Variants in CALR observed in about 807,000 individuals in gnomAD.
CALR encodes the protein calreticulin, also known as CRP55.
CALR carries 15 observed loss-of-function variants against 51.1 expected under a neutral mutation model. That is an observed-to-expected ratio of 0.29 (90% confidence interval 0.20 to 0.45). The LOEUF is 0.45. CALR is among the 20% of genes least tolerant of loss of function. The pLI is 1.00. For synonymous variants in CALR, 239 were observed against 205.9 expected (o/e 1.16, Z -1.38); for missense variants, 477 against 530.6 (o/e 0.90, Z 0.99).
At chr19:12,941,384 C>G (rs1357366757) in intron 7 of CALR, among the ~76,000 whole-genome samples, 2 of 151,938 alleles carry the variant, frequency 1.3e-5, no homozygotes, top group South Asian at 2.1e-4. Flanking sequence ...CGCCCTCCGT[C>G]TCCTGGTTTC....
Position 12,942,287 on chromosome 19 carries a change from C to T in CALR, c.961-1250C>T, listed in dbSNP as rs550016890. 1.4e-4 allele frequency among the ~76,000 whole-genome samples: 21 copies of T among 149,956 alleles called. No homozygotes were observed. In the East Asian group the frequency reaches 1.4e-3, roughly 10 times the overall value. ...CTGAGGCAAAAGGATGACGTGAACC[C>T]GGGAGGCGGAGCTTGCAGTGAGCTG... On this transcript the variant is annotated intron_variant, in intron 7 of 8. Coordinates refer to ENST00000316448, the MANE Select transcript of CALR (RefSeq NM_004343.4).
chr19:12,944,079 C>T lies in CALR; in HGVS notation c.*166C>T. 2 of 1,082,564 alleles carry T rather than the reference C, an allele frequency of 1.8e-6. No individual in the cohort carries two copies. The highest frequency in any genetic ancestry group is 1.7e-5 in the South Asian group (1 of 60,234). 67.1% of individuals were successfully genotyped at this position (1,082,564 alleles called of 1,614,324 possible). Reference sequence around the variant, plus strand: ...TCCCCTCCTCCACTCTCCCCCACCCCCTCCCCGCCCTTTTTTTTTTTTTTT... The same window carrying T: ...TCCCCTCCTCCACTCTCCCCCACCCTCTCCCCGCCCTTTTTTTTTTTTTTT... On this transcript the variant is annotated 3_prime_UTR_variant, in exon 9 of 9. Transcript: ENST00000316448.
chr19:12,939,511 G>A lies in CALR; in HGVS notation c.277G>A (p.Val93Met), dbSNP rs370869315. The A allele has an allele frequency of 8.7e-6, 14 of 1,613,418 alleles. No individual in the cohort carries two copies. The Admixed American group carries it at 2.3e-4, about 27-fold the overall frequency. ...CAGCAACAAAGGCCAGACGCTGGTGGTGCAGTTCACGGTGAAACATGAGCA... is the reference window on the plus strand; with the variant it reads ...CAGCAACAAAGGCCAGACGCTGGTGATGCAGTTCACGGTGAAACATGAGCA... Reference protein sequence around the residue: ...PFSNKGQTLVVQFTVKHEQNI... With the variant: ...PFSNKGQTLVMQFTVKHEQNI... Residue 93 changes from valine (V) to methionine (M), a missense_variant, in exon 3 of 9, where the codon GTG becomes ATG. Coordinates refer to ENST00000316448, the MANE Select transcript of CALR (RefSeq NM_004343.4).
intron 7 of CALR, 40 bp downstream of exon 7, chr19:12,940,927 C>A (rs776703195): frequency 3.7e-6 from 6 of 1,606,140 alleles, no homozygotes; most frequent in Middle Eastern, 1.7e-4. Context: ...TGGGGTACCT[C>A]AAGTGCATAA....
chr19:12,944,089 CTTTTTTT>C lies in CALR; in HGVS notation c.*188_*194del. On this transcript the variant is annotated 3_prime_UTR_variant, in exon 9 of 9. Transcript: ENST00000316448. ...CACTCTCCCCCACCCCCTCCCCGCC[CTTTTTTT>C]TTTTTTTTTTTAAACTGGTATTTTA... 3.1e-6 allele frequency: 2 copies of C among 651,932 alleles called. No individual in the cohort carries two copies. Among genetic ancestry groups the C allele is most frequent in the Non-Finnish European group, 4.7e-6 (2 of 422,200 alleles). The allele number at this position is 651,932 out of a possible 1,614,324, so 40.4% of individuals were successfully genotyped here.
At chr19:12,938,971 C>A in intron 1 of CALR, 163 bp from the exon 2 acceptor site, 1 of 715,698 alleles carries the variant, frequency 1.4e-6, no homozygotes, top group Non-Finnish European at 2.5e-6. Context: ...AGGGTTAGCC[C>A]GAGGATCTCT....
Position 12,944,078 on chromosome 19 carries a change from C to A in CALR, c.*165C>A, listed in dbSNP as rs1342232072. 5.5e-6 allele frequency: 6 copies of A among 1,081,408 alleles called. No individual in the cohort carries two copies. Among genetic ancestry groups the A allele is most frequent in the Non-Finnish European group, 7.8e-6 (6 of 772,904 alleles). 67.0% of individuals were successfully genotyped at this position (1,081,408 alleles called of 1,614,324 possible). A position where few individuals can be genotyped will look rare whatever the true frequency, so the allele number is the denominator to read the frequency against. ...TTCCCCTCCTCCACTCTCCCCCACC[C>A]CCTCCCCGCCCTTTTTTTTTTTTTT... On this transcript the variant is annotated 3_prime_UTR_variant, in exon 9 of 9. Coordinates refer to ENST00000316448, the MANE Select transcript of CALR (RefSeq NM_004343.4).
Position 12,938,636 on chromosome 19 carries a change from G to C in CALR, c.-44G>C, listed in dbSNP as rs534687510. ...CCGTACTGCAGAGCCGCTGCCGGAGGGTCGTTTTAAAGGGCCCGCGCGTTG... is the reference window on the plus strand; with the variant it reads ...CCGTACTGCAGAGCCGCTGCCGGAGCGTCGTTTTAAAGGGCCCGCGCGTTG... On this transcript the variant is annotated 5_prime_UTR_variant, in exon 1 of 9. Coordinates refer to ENST00000316448, the MANE Select transcript of CALR (RefSeq NM_004343.4). The C allele has an allele frequency of 9.5e-6, 14 of 1,466,690 alleles. No homozygotes were observed. In the East Asian group the frequency reaches 3.1e-4, roughly 32 times the overall value. The allele number at this position is 1,466,690 out of a possible 1,614,324, so 90.9% of individuals were successfully genotyped here. A position where few individuals can be genotyped will look rare whatever the true frequency, so the allele number is the denominator to read the frequency against.
At chr19:12,940,483 A>G in intron 5 of CALR, 31 bp downstream of exon 5, 4 of 1,613,502 alleles carry the variant, frequency 2.5e-6, no homozygotes, top group Non-Finnish European at 3.4e-6. Flanking sequence ...TCTGCTCTCC[A>G]CATTGGAGGG....
At chr19:12,942,085 C>T (rs1460027656) in intron 7 of CALR, among the ~76,000 whole-genome samples, 1 of 151,798 alleles carries the variant, frequency 6.6e-6, no homozygotes, top group Non-Finnish European at 1.5e-5. Context: ...CTTGGCCGGA[C>T]ACAGTGGCTC....
chr19:12,939,570 G>A lies in CALR; in HGVS notation c.336G>A (p.Leu112=), dbSNP rs202106445. 131 of 1,613,992 alleles carry A rather than the reference G, an allele frequency of 8.1e-5. No homozygotes were observed. Among genetic ancestry groups the A allele is most frequent in the Non-Finnish European group, 1.2e-5 (14 of 1,180,050 alleles). Residue 112 remains leucine, a synonymous_variant, in exon 3 of 9, where the codon CTG becomes CTA. Coordinates refer to ENST00000316448, the MANE Select transcript of CALR (RefSeq NM_004343.4). ...ACTGTGGGGGCGGCTATGTGAAGCT[G>A]TTTCCTAATAGTTTGGACCAGACAG... The part of the protein sequence containing the change: ...NIDCGGGYVK[L]FPNSLDQTDM...
At position 12,938,623 on chromosome 19, in the gene CALR, G is replaced by A. The variant is rs1005382801; in HGVS notation, c.-57G>A. ...CGGCGGCGTCCGTCCGTACTGCAGA[G>A]CCGCTGCCGGAGGGTCGTTTTAAAG... is the stretch of plus-strand genomic sequence containing the variant. On this transcript the variant is annotated 5_prime_UTR_variant, in exon 1 of 9. Coordinates refer to ENST00000316448, the MANE Select transcript of CALR (RefSeq NM_004343.4). 4.2e-5 allele frequency: 58 copies of A among 1,372,512 alleles called. No individual in the cohort carries two copies. The highest frequency in any genetic ancestry group is 3.3e-4 in the South Asian group (27 of 81,524). The allele number at this position is 1,372,512 out of a possible 1,614,324, so 85.0% of individuals were successfully genotyped here.
In CALR at chr19:12,941,439, G is replaced by C. The variant is rs1038905533; in HGVS notation, c.960+552G>C. 6.0e-5 allele frequency among the ~76,000 whole-genome samples: 9 copies of C among 151,148 alleles called. 1 individual carries two copies. In the East Asian group the frequency reaches 1.7e-3, roughly 29 times the overall value. On this transcript the variant is annotated intron_variant, in intron 7 of 8. Transcript: ENST00000316448. Reference sequence around the variant, plus strand: ...GCCTCCGGAGTAGCTGGGATTACAGGCATGTGCTACTATGGATGCCAGGCT... The same window carrying C: ...GCCTCCGGAGTAGCTGGGATTACAGCCATGTGCTACTATGGATGCCAGGCT...
In CALR at chr19:12,944,111, C is replaced by G. The variant is rs1326269692; in HGVS notation, c.*198C>G. 3.2e-6 allele frequency: 2 copies of G among 623,136 alleles called. No individual in the cohort carries two copies. Among genetic ancestry groups the G allele is most frequent in the African/African-American group, 3.5e-5 (1 of 28,912 alleles). The allele number at this position is 623,136 out of a possible 1,614,324, so 38.6% of individuals were successfully genotyped here. A position where few individuals can be genotyped will look rare whatever the true frequency, so the allele number is the denominator to read the frequency against. On this transcript the variant is annotated 3_prime_UTR_variant, in exon 9 of 9. Coordinates refer to ENST00000316448, the MANE Select transcript of CALR (RefSeq NM_004343.4). ...GCCCTTTTTTTTTTTTTTTTTTAAA[C>G]TGGTATTTTATCTTTGATTCTCCTT...
Position 12,940,029 on chromosome 19 carries a change from T to C in CALR, c.398-24T>C, listed in dbSNP as rs754552373. The C allele has an allele frequency of 3.9e-6, 6 of 1,552,472 alleles. No homozygotes were observed. The African/African-American group carries it at 8.1e-5, about 21-fold the overall frequency. On this transcript the variant is annotated intron_variant, in intron 3 of 8. Transcript: ENST00000316448. ...GAGATGATGGGTAGTCTCTGACTCT[T>C]AACTGGATCTGCTTCACACCTAGGT... is the stretch of plus-strand genomic sequence containing the variant.
intron 7 of CALR, among the ~76,000 whole-genome samples, chr19:12,942,426 C>T (rs138485138): frequency 5.3e-4 from 81 of 151,712 alleles, no homozygotes; most frequent in African/African-American, 1.9e-3. Flanking sequence ...CCTTCTGTGC[C>T]CAAGACAGTT....
intron 3 of CALR, 40 bp downstream of exon 3, chr19:12,939,671 G>A (rs374390094): frequency 9.5e-5 from 146 of 1,531,798 alleles, no homozygotes; most frequent in South Asian, 7.7e-4. Context: ...TGTCCCATTA[G>A]TTAGAGGGAG....
At position 12,939,509 on chromosome 19, in the gene CALR, T is replaced by C; in HGVS notation, c.275T>C (p.Val92Ala). 1 of 1,613,316 alleles carries C rather than the reference T, an allele frequency of 6.2e-7. No homozygotes were observed. Among genetic ancestry groups the C allele is most frequent in the East Asian group, 2.2e-5 (1 of 44,888 alleles). The change falls in exon 3 of 9, where the codon GTG (valine) becomes GCG (alanine). Residue 92 changes from valine (V) to alanine (A), a missense_variant. Val to Ala is a moderately conservative substitution (Grantham distance 64). Transcript: ENST00000316448. ...EPFSNKGQTL[V>A]VQFTVKHEQN... ...TTCAGCAACAAAGGCCAGACGCTGG[T>C]GGTGCAGTTCACGGTGAAACATGAG...
chr19:12,943,386 T>G (rs1276671256), intron 7 of CALR, 151 bp from the exon 8 acceptor site: 1 of 745,146 alleles, frequency 1.3e-6, no homozygotes, highest in Admixed American at 2.0e-5. Context: ...GGCCTCTCCA[T>G]CTTTTTAACT....
Sources: gnomAD v4.1 joint callset for allele counts (sites outside exome capture counted in the v4.1 genomes callset) on GRCh38, gnomAD v4.1.1 for gene constraint, MANE v1.5 for transcripts, NCBI Gene and HGNC (gene_info 2026-07-23, HGNC 2026-07-21) for gene names.